The following S100A16 variants were observed in gnomAD, a reference collection of about 807,000 sequenced individuals.
The protein encoded by S100A16 is S100 calcium binding protein A16.
S100A16 carries 8 observed loss-of-function variants against 9.0 expected under a neutral mutation model. The observed-to-expected ratio is 0.89, with a 90% confidence interval of 0.52 to 1.60. S100A16 has a LOEUF of 1.60. Ranked by LOEUF, S100A16 falls within the 40% of genes most tolerant of loss-of-function variation. The pLI, the probability that S100A16 is intolerant of heterozygous loss-of-function variation, is 0.00. For missense variants in S100A16, 138 were observed against 132.4 expected (o/e 1.04, Z -0.21); for synonymous variants, 51 against 51.4 (o/e 0.99, Z 0.04).
rs536586695 is a variant in S100A16, at chr1:153,613,094, C to G, written c.-169G>C. On this transcript the variant is annotated 5_prime_UTR_variant, in exon 1 of 3. Transcript: ENST00000368706. ...TGTCCCACTCCCTCCCAGCCCTGCC[C>G]GCTGAGCTGGCTCGGTGGGGAGATA... is the stretch of plus-strand genomic sequence containing the variant. 6.6e-6 allele frequency: 1 copy of G among 152,382 alleles called. No homozygotes were observed. Among genetic ancestry groups the G allele is most frequent in the Non-Finnish European group, 1.5e-5 (1 of 68,208 alleles). 9.4% of individuals were successfully genotyped at this position (152,382 alleles called of 1,614,324 possible). A position where few individuals can be genotyped will look rare whatever the true frequency, so the allele number is the denominator to read the frequency against.
chr1:153,611,566 C>G (rs1666835727), intron 1 of S100A16, among the ~76,000 whole-genome samples: 1 of 152,156 alleles, frequency 6.6e-6, no homozygotes, highest in Non-Finnish European at 1.5e-5. Flanking sequence ...TTTATTGGCT[C>G]ATTCATTCAC....
intron 2 of S100A16, 98 bp downstream of exon 2, chr1:153,607,901 G>A: frequency 7.5e-7 from 1 of 1,325,270 alleles, no homozygotes. Flanking sequence ...ACACTGGAAG[G>A]ATAGAGGCCT....
intron 1 of S100A16, chr1:153,609,494 A>G: frequency 2.6e-6 from 1 of 382,544 alleles, no homozygotes; most frequent in Non-Finnish European, 3.6e-6. Context: ...CCACTCAGCT[A>G]GCACTGGCTG....
chr1:153,607,061 C>A lies in S100A16; in HGVS notation c.*473G>T, dbSNP rs895237702. ...GAAGTCCCTGAAAGTGCCTCTCTAC[C>A]CAGCAGAGGGGCTAAGGGAAAGTGG... On this transcript the variant is annotated 3_prime_UTR_variant, in exon 3 of 3. Transcript: ENST00000368706. 1.0e-5 allele frequency: 4 copies of A among 392,232 alleles called. No individual in the cohort carries two copies. Among genetic ancestry groups the A allele is most frequent in the Admixed American group, 8.9e-5 (3 of 33,522 alleles). The allele number at this position is 392,232 out of a possible 1,614,324, so 24.3% of individuals were successfully genotyped here.
intron 1 of S100A16, among the ~76,000 whole-genome samples, chr1:153,610,731 G>A (rs1370974327): frequency 6.6e-6 from 1 of 152,146 alleles, no homozygotes; most frequent in Non-Finnish European, 1.5e-5. Flanking sequence ...AGGAAGGATA[G>A]GGTAGCAGGC....
Position 153,607,550 on chromosome 1 carries a change from T to C in S100A16, c.296A>G (p.Gln99Arg), listed in dbSNP as rs1313588935. The C allele has an allele frequency of 5.0e-6, 8 of 1,614,110 alleles. No homozygotes were observed. The highest frequency in any genetic ancestry group is 6.8e-6 in the Non-Finnish European group (8 of 1,180,038). ...AAGGGGTCTCTAGCTGCTGCTCTGC[T>C]GCTCCTGCTCATGGATGAGTTTGGC... Reference protein sequence around the residue: ...PIAKLIHEQEQQSSS With the variant: ...PIAKLIHEQERQSSS Residue 99 changes from glutamine (Q) to arginine (R), a missense_variant, in exon 3 of 3, where the codon CAG becomes CGG. By Grantham distance (43) the Gln-to-Arg change is conservative. Coordinates refer to ENST00000368706, the MANE Select transcript of S100A16 (RefSeq NM_080388.3).
intron 1 of S100A16, chr1:153,608,826 A>G (rs992925901): frequency 1.2e-5 from 8 of 694,478 alleles, no homozygotes; most frequent in Non-Finnish European, 1.4e-5. Flanking sequence ...ACACCCTGCT[A>G]GCCTCTCCTC....
intron 1 of S100A16, among the ~76,000 whole-genome samples, chr1:153,610,902 A>G (rs886384086): frequency 6.6e-6 from 1 of 151,404 alleles, no homozygotes; most frequent in Non-Finnish European, 1.5e-5. Flanking sequence ...CAGATGTTCT[A>G]TCCCATCAGC....
intron 1 of S100A16, chr1:153,609,372 C>G: frequency 1.0e-6 from 1 of 986,196 alleles, no homozygotes; most frequent in Non-Finnish European, 1.2e-6. Context: ...CCCTCTCCAG[C>G]CAGCCTGCCA....
At chr1:153,609,475 C>T in intron 1 of S100A16, 1 of 490,698 alleles carries the variant, frequency 2.0e-6, no homozygotes, top group Non-Finnish European at 2.6e-6. Flanking sequence ...ACAGACGTGT[C>T]TGTCATCACC....
In S100A16 at chr1:153,607,110, C is replaced by CT. The variant is rs1483855128; in HGVS notation, c.*423dup. 1 of 452,668 alleles carries CT rather than the reference C, an allele frequency of 2.2e-6. No individual in the cohort carries two copies. The highest frequency in any genetic ancestry group is 4.4e-6 in the Non-Finnish European group (1 of 225,564). The allele number at this position is 452,668 out of a possible 1,614,324, so 28.0% of individuals were successfully genotyped here. ...GGAGAGGTCTCTGCTGCTGCTGCTG[C>CT]TGCTGCTGCTGCTGTTGCTGCTACC... is the stretch of plus-strand genomic sequence containing the variant. On this transcript the variant is annotated 3_prime_UTR_variant, in exon 3 of 3. Transcript: ENST00000368706.
intron 1 of S100A16, among the ~76,000 whole-genome samples, chr1:153,610,460 CT>C (rs1666808233): frequency 6.6e-6 from 1 of 152,180 alleles, no homozygotes; most frequent in African/African-American, 2.4e-5. Context: ...GAGCTGTCTC[CT>C]CCTGGCCTTC....
chr1:153,610,387 T>C (rs963436955), intron 1 of S100A16, among the ~76,000 whole-genome samples: 2 of 152,180 alleles, frequency 1.3e-5, no homozygotes, highest in Admixed American at 1.3e-4. Context: ...CACCTCCCTC[T>C]GCCACTCTCC....
At position 153,607,245 on chromosome 1, in the gene S100A16, G is replaced by T; in HGVS notation, c.*289C>A. The T allele has an allele frequency of 1.9e-6, 1 of 518,018 alleles. No individual in the cohort carries two copies. Among genetic ancestry groups the T allele is most frequent in the African/African-American group, 1.9e-5 (1 of 52,206 alleles). 32.1% of individuals were successfully genotyped at this position (518,018 alleles called of 1,614,324 possible). ...AGGAACATCAGACATTGGAAGGTTAGATGAGACTGAACAGGTGAGAAAACT... is the reference window on the plus strand; with the variant it reads ...AGGAACATCAGACATTGGAAGGTTATATGAGACTGAACAGGTGAGAAAACT... On this transcript the variant is annotated 3_prime_UTR_variant, in exon 3 of 3. Transcript: ENST00000368706.
intron 1 of S100A16, among the ~76,000 whole-genome samples, chr1:153,611,873 A>G (rs1041357667): frequency 1.0e-5 from 1 of 98,052 alleles, no homozygotes; most frequent in Non-Finnish European, 2.3e-5. Context: ...CTCACCCCTT[A>G]CCATCCTCAC....
At chr1:153,612,662 C>T (rs1327571341) in intron 1 of S100A16, among the ~76,000 whole-genome samples, 1 of 152,094 alleles carries the variant, frequency 6.6e-6, no homozygotes, top group Non-Finnish European at 1.5e-5. Context: ...GTGGTCAAAG[C>T]TTCCAAATAC....
chr1:153,609,398 C>T, intron 1 of S100A16: 2 of 982,736 alleles, frequency 2.0e-6, no homozygotes, highest in Non-Finnish European at 2.4e-6. Context: ...TCTCGCCCCG[C>T]CCAAGCCACG....
chr1:153,611,894 G>A lies in S100A16; in HGVS notation c.-27+1058C>T, dbSNP rs1224649349. Among the ~76,000 whole-genome samples, 7 of 140,754 alleles carry A rather than the reference G, an allele frequency of 5.0e-5. No individual in the cohort carries two copies. In the East Asian group the frequency reaches 6.4e-4, roughly 13 times the overall value. The allele number at this position is 140,754 out of a possible 152,430, so 92.3% of individuals were successfully genotyped here. A position where few individuals can be genotyped will look rare whatever the true frequency, so the allele number is the denominator to read the frequency against. ...CCTTACCATCCTCACAGGATTCTGC[G>A]TCTAACTCTCTTTGTCTCTCTCTCA... On this transcript the variant is annotated intron_variant, in intron 1 of 2. Transcript: ENST00000368706.
chr1:153,607,681 G>A lies in S100A16; in HGVS notation c.165C>T (p.Asn55=), dbSNP rs1223823210. The change falls in exon 3 of 3, where the codon AAC becomes AAT. Residue 55 remains asparagine (N), a synonymous_variant. Transcript: ENST00000368706. The stretch of plus-strand genomic sequence containing the variant: ...GGATGAGCTTATCCGCAGCCTTCCG[G>A]TTCCCTGTGTCCTGGGGAGGAAGCA... ...ELNHMLSDTG[N]RKAADKLIQN... is the part of the protein sequence containing the mutation. 1.2e-6 allele frequency: 2 copies of A among 1,614,198 alleles called. No homozygotes were observed. The highest frequency in any genetic ancestry group is 2.2e-5 in the East Asian group (1 of 44,882).
Sources: allele counts gnomAD v4.1 joint callset (sites outside exome capture counted in the v4.1 genomes callset), GRCh38; gene constraint gnomAD v4.1.1; transcripts MANE v1.5; gene names NCBI Gene and HGNC (gene_info 2026-07-23, HGNC 2026-07-21).